The following HS6ST3 variants were observed in gnomAD, a reference collection of about 807,000 sequenced individuals.
HS6ST3 encodes the protein heparan sulfate 6-O-sulfotransferase 3, also known as heparan-sulfate 6-O-sulfotransferase 3.
Under a neutral mutation model 36.7 loss-of-function variants are expected in HS6ST3, and 12 were observed. The observed-to-expected ratio is 0.33, with a 90% CI of 0.21 to 0.53. The LOEUF (loss-of-function observed/expected upper bound fraction) is 0.53. Ranked by LOEUF, HS6ST3 falls within the 20% of genes least tolerant of loss-of-function variation. HS6ST3 has a pLI of 0.95. For missense variants in HS6ST3, 584 were observed against 640.9 expected (o/e 0.91, Z 0.96); for synonymous variants, 240 against 257.5 (o/e 0.93, Z 0.65).
intron 1 of HS6ST3, among the ~76,000 whole-genome samples, chr13:96,374,966 C>G (rs1319575152): frequency 6.6e-6 from 1 of 152,100 alleles, no homozygotes; most frequent in Non-Finnish European, 1.5e-5. Flanking sequence ...GCTTTTCATG[C>G]CACACAGGCC....
chr13:96,372,624 GT>G (rs1439513616), intron 1 of HS6ST3, among the ~76,000 whole-genome samples: 2 of 152,114 alleles, frequency 1.3e-5, no homozygotes, highest in Non-Finnish European at 2.9e-5. Context: ...TAGGTCTTAT[GT>G]TTAAGGCTTT....
At chr13:96,563,417 T>C (rs1237295729) in intron 1 of HS6ST3, among the ~76,000 whole-genome samples, 1 of 152,184 alleles carries the variant, frequency 6.6e-6, no homozygotes, top group Non-Finnish European at 1.5e-5. Flanking sequence ...CTTGGACAGT[T>C]CTTATTATTT....
At chr13:96,273,980 C>A (rs1167907312) in intron 1 of HS6ST3, among the ~76,000 whole-genome samples, 5 of 133,588 alleles carry the variant, frequency 3.7e-5, no homozygotes, top group Admixed American at 1.5e-4. Context: ...TCCCTCCCCT[C>A]CTCCTCCCCC....
At chr13:96,557,923 C>T (rs140839246) in intron 1 of HS6ST3, among the ~76,000 whole-genome samples, 193 of 152,274 alleles carry the variant, frequency 1.3e-3, no homozygotes, top group African/African-American at 4.5e-3. Flanking sequence ...TCAATTTACT[C>T]TTCTGTAAGA....
intron 1 of HS6ST3, among the ~76,000 whole-genome samples, chr13:96,300,198 A>G (rs2054875087): frequency 6.6e-6 from 1 of 151,708 alleles, no homozygotes; most frequent in South Asian, 2.1e-4. Context: ...CTGAGATTAC[A>G]GGTGTGTGAC....
At chr13:96,394,528 T>A (rs1354879311) in intron 1 of HS6ST3, among the ~76,000 whole-genome samples, 1 of 152,224 alleles carries the variant, frequency 6.6e-6, no homozygotes, top group African/African-American at 2.4e-5. Context: ...CTTGGTTTCA[T>A]TTTTTGTAAA....
intron 1 of HS6ST3, among the ~76,000 whole-genome samples, chr13:96,498,991 C>T (rs977745650): frequency 3.3e-5 from 5 of 150,886 alleles, no homozygotes; most frequent in Admixed American, 2.0e-4. Flanking sequence ...ATGCAACATT[C>T]GTGACAAAGG....
intron 1 of HS6ST3, among the ~76,000 whole-genome samples, chr13:96,548,618 A>G (rs1273077020): frequency 2.6e-5 from 4 of 152,160 alleles, no homozygotes; most frequent in Admixed American, 6.5e-5. Flanking sequence ...GTGTATGTCT[A>G]TCTATCTGTC....
At chr13:96,759,500 A>G (rs553035384) in intron 1 of HS6ST3, among the ~76,000 whole-genome samples, 1 of 151,994 alleles carries the variant, frequency 6.6e-6, no homozygotes, top group East Asian at 1.9e-4. Flanking sequence ...CAATAAACTT[A>G]TTATGATCTA....
At chr13:96,544,750 T>C (rs1454736739) in intron 1 of HS6ST3, among the ~76,000 whole-genome samples, 1 of 152,202 alleles carries the variant, frequency 6.6e-6, no homozygotes, top group East Asian at 1.9e-4. Context: ...CCTTCCGAAG[T>C]GCCGTCCTCT....
At chr13:96,738,220 C>G (rs565271320) in intron 1 of HS6ST3, among the ~76,000 whole-genome samples, 3 of 152,142 alleles carry the variant, frequency 2.0e-5, no homozygotes, top group Non-Finnish European at 4.4e-5. Flanking sequence ...CAGACGTTAC[C>G]GAAGGCTGAT....
intron 1 of HS6ST3, among the ~76,000 whole-genome samples, chr13:96,383,942 G>C (rs1160974577): frequency 6.6e-6 from 1 of 152,182 alleles, no homozygotes; most frequent in African/African-American, 2.4e-5. Flanking sequence ...ATCCTCCAGA[G>C]AAGCCTGAGA....
chr13:96,376,752 A>G lies in HS6ST3; in HGVS notation c.707+285183A>G, dbSNP rs139868048. On this transcript the variant is annotated intron_variant, in intron 1 of 1. Coordinates refer to ENST00000376705, the MANE Select transcript of HS6ST3 (RefSeq NM_153456.4). ...GTCATGAGAAACCTTGTAAATTCCT[A>G]TAGTAAACATTCAGTAAATACTTAT... is the stretch of plus-strand genomic sequence containing the variant. Among the ~76,000 whole-genome samples the G allele has an allele frequency of 3.0e-3, 453 of 152,222 alleles. 6 individuals are homozygous for G. The highest frequency in any genetic ancestry group is 0.01 in the African/African-American group (432 of 41,538).
chr13:96,374,180 C>A (rs370852908), intron 1 of HS6ST3, among the ~76,000 whole-genome samples: 2 of 152,054 alleles, frequency 1.3e-5, no homozygotes, highest in South Asian at 4.2e-4. Flanking sequence ...TTGTTTTAAT[C>A]TTTACAGTAT....
In HS6ST3 at chr13:96,091,534, G is replaced by A; in HGVS notation, c.672G>A (p.Glu224=). The change falls in exon 1 of 2, where the codon GAG becomes GAA. Residue 224 remains glutamate, a synonymous_variant. Transcript: ENST00000376705. ...ELTNCVPAIM[E]KKDCPRNHSH... ...CCAACTGCGTGCCGGCCATCATGGA[G>A]AAGAAGGACTGTCCCCGCAACCACA... is the stretch of plus-strand genomic sequence containing the variant. The A allele has an allele frequency of 1.3e-6, 2 of 1,589,522 alleles. No individual in the cohort carries two copies. The highest frequency in any genetic ancestry group is 1.7e-6 in the Non-Finnish European group (2 of 1,172,246).
chr13:96,268,483 TGGGTTCCTC>T (rs1290980349), intron 1 of HS6ST3, among the ~76,000 whole-genome samples: 1 of 151,892 alleles, frequency 6.6e-6, no homozygotes, highest in Non-Finnish European at 1.5e-5. Flanking sequence ...TACCTCCAAC[TGGGTTCCTC>T]CCACGACACA....
intron 1 of HS6ST3, among the ~76,000 whole-genome samples, chr13:96,769,732 CTCTGTGTGTG>C (rs1877210741): frequency 8.8e-6 from 1 of 113,042 alleles, no homozygotes; most frequent in South Asian, 3.2e-4. Context: ...TCATTCCTAG[CTCTGTGTGTG>C]TGTGTGTGTG....
chr13:96,523,644 C>T, intron 1 of HS6ST3, among the ~76,000 whole-genome samples: 1 of 152,042 alleles, frequency 6.6e-6, no homozygotes, highest in Non-Finnish European at 1.5e-5. Flanking sequence ...ACCCTTTCTT[C>T]CACTTGATTG....
chr13:96,538,831 G>A (rs1298910235), intron 1 of HS6ST3, among the ~76,000 whole-genome samples: 5 of 152,284 alleles, frequency 3.3e-5, no homozygotes, highest in South Asian at 4.1e-4. Context: ...AAATATTTGC[G>A]CCTTTTGCTT....
Sources: gnomAD v4.1 joint callset for allele counts (sites outside exome capture counted in the v4.1 genomes callset) on GRCh38, gnomAD v4.1.1 for gene constraint, MANE v1.5 for transcripts, NCBI Gene and HGNC (gene_info 2026-07-23, HGNC 2026-07-21) for gene names.